The following CTNNA3 variants were observed in gnomAD, a reference collection of about 807,000 sequenced individuals.
CTNNA3 encodes the protein catenin alpha-3.
CTNNA3 carries 76 observed loss-of-function variants against 95.7 expected under a neutral mutation model. The observed-to-expected ratio is 0.79, with a 90% CI of 0.66 to 0.96. The LOEUF is 0.96. CTNNA3 is among the 40% of genes least tolerant of loss of function. The pLI, the probability that CTNNA3 is intolerant of heterozygous loss-of-function variation, is 0.00. For missense variants in CTNNA3, 1,191 were observed against 1,089.8 expected (o/e 1.09, Z -1.31); for synonymous variants, 431 against 374.4 (o/e 1.15, Z -1.74).
chr10:66,185,899 T>A lies in CTNNA3; in HGVS notation c.1885-82650A>T, dbSNP rs564674332. Among the ~76,000 whole-genome samples, 43 of 152,046 alleles carry A rather than the reference T, an allele frequency of 2.8e-4. No individual in the cohort carries two copies. The South Asian group carries it at 7.7e-3, about 27-fold the overall frequency. On this transcript the variant is annotated intron_variant, in intron 13 of 17. Coordinates refer to ENST00000433211, the MANE Select transcript of CTNNA3 (RefSeq NM_013266.4). Reference sequence around the variant, plus strand: ...GAATATGTATACTTATATATATGTATACACAAACATCTCTCTCTCATCACA... The same window carrying A: ...GAATATGTATACTTATATATATGTAAACACAAACATCTCTCTCTCATCACA...
intron 11 of CTNNA3, among the ~76,000 whole-genome samples, chr10:66,502,801 T>G (rs936874065): frequency 6.6e-6 from 1 of 152,124 alleles, no homozygotes; most frequent in African/African-American, 2.4e-5. Context: ...TCAATAAACC[T>G]AGAGGGGGAT....
intron 13 of CTNNA3, among the ~76,000 whole-genome samples, chr10:66,218,345 A>C (rs1363867178): frequency 6.6e-6 from 1 of 151,286 alleles, no homozygotes; most frequent in Non-Finnish European, 1.5e-5. Context: ...TTAAAACAGA[A>C]GTGATGGTAG....
At chr10:66,694,255 C>T (rs1402598545) in intron 9 of CTNNA3, among the ~76,000 whole-genome samples, 10 of 151,910 alleles carry the variant, frequency 6.6e-5, no homozygotes, top group Non-Finnish European at 1.2e-4. Context: ...ATCAAATAGA[C>T]ACAATAAAAA....
At chr10:67,246,722 T>C (rs1439957978) in intron 5 of CTNNA3, among the ~76,000 whole-genome samples, 1 of 152,168 alleles carries the variant, frequency 6.6e-6, no homozygotes, top group African/African-American at 2.4e-5. Flanking sequence ...CTTAAAGGTA[T>C]GAGACATGGA....
chr10:67,017,654 T>G (rs1420188468), intron 7 of CTNNA3, among the ~76,000 whole-genome samples: 1 of 152,090 alleles, frequency 6.6e-6, no homozygotes, highest in East Asian at 1.9e-4. Flanking sequence ...TATTTGAAAA[T>G]ATTTCTTTCT....
At chr10:67,148,019 T>C (rs867859200) in intron 7 of CTNNA3, among the ~76,000 whole-genome samples, 1 of 152,160 alleles carries the variant, frequency 6.6e-6, no homozygotes, top group Non-Finnish European at 1.5e-5. Context: ...TATTAGGACC[T>C]AACAGCATCT....
At chr10:66,746,860 AGTGTGTGTGT>A (rs57102717) in intron 9 of CTNNA3, among the ~76,000 whole-genome samples, 10 of 150,448 alleles carry the variant, frequency 6.6e-5, no homozygotes, top group South Asian at 2.1e-4. Flanking sequence ...AAATGGATGC[AGTGTGTGTGT>A]GTGTGTGTGT....
At chr10:66,928,238 C>T (rs563355816) in intron 7 of CTNNA3, 1 of 1,614,160 alleles carries the variant, frequency 6.2e-7, no homozygotes, top group Admixed American at 1.7e-5. Flanking sequence ...ATCTACGTGT[C>T]ATGGAAGCGG....
intron 2 of CTNNA3, among the ~76,000 whole-genome samples, chr10:67,641,439 G>A (rs1839529625): frequency 6.6e-6 from 1 of 152,226 alleles, no homozygotes; most frequent in Non-Finnish European, 1.5e-5. Context: ...CATTGTGGAG[G>A]TCAGTGTGGT....
intron 9 of CTNNA3, among the ~76,000 whole-genome samples, chr10:66,699,507 C>G (rs181229663): frequency 6.6e-6 from 1 of 151,736 alleles, no homozygotes; most frequent in Non-Finnish European, 1.5e-5. Flanking sequence ...TTTTCATATA[C>G]CCGTTGGCTA....
chr10:67,010,187 A>G (rs1852231220), intron 7 of CTNNA3, among the ~76,000 whole-genome samples: 1 of 152,186 alleles, frequency 6.6e-6, no homozygotes, highest in Admixed American at 6.5e-5. Flanking sequence ...AAGATTACAC[A>G]TATCATTTAT....
At chr10:67,568,558 C>T (rs751503997) in intron 3 of CTNNA3, among the ~76,000 whole-genome samples, 3 of 151,194 alleles carry the variant, frequency 2.0e-5, no homozygotes, top group Non-Finnish European at 4.4e-5. Context: ...CACAGACACA[C>T]ACACATATAT....
At chr10:67,177,327 G>C (rs927141906) in intron 7 of CTNNA3, among the ~76,000 whole-genome samples, 6 of 152,144 alleles carry the variant, frequency 3.9e-5, no homozygotes, top group Non-Finnish European at 2.9e-5. Flanking sequence ...TGGTTGTGTG[G>C]ACTGAGCCTG....
intron 11 of CTNNA3, among the ~76,000 whole-genome samples, chr10:66,421,300 G>A (rs2093191193): frequency 6.6e-6 from 1 of 152,218 alleles, no homozygotes; most frequent in Middle Eastern, 3.4e-3. Flanking sequence ...AGGTTAATAA[G>A]TACAAACATG....
chr10:66,693,037 G>C (rs1300223529), intron 9 of CTNNA3, among the ~76,000 whole-genome samples: 8 of 152,110 alleles, frequency 5.3e-5, no homozygotes, highest in Non-Finnish European at 1.0e-4. Context: ...ATCGAGGCTA[G>C]GAAGAAACTG....
chr10:66,047,436 A>G (rs926325927), intron 15 of CTNNA3, among the ~76,000 whole-genome samples: 2 of 152,214 alleles, frequency 1.3e-5, no homozygotes, highest in African/African-American at 2.4e-5. Context: ...ACACCCTTTC[A>G]TGTTAAAAAC....
intron 2 of CTNNA3, among the ~76,000 whole-genome samples, chr10:67,629,991 T>C (rs1839087333): frequency 6.6e-6 from 1 of 152,190 alleles, no homozygotes; most frequent in Non-Finnish European, 1.5e-5. Flanking sequence ...AAGAGGATGC[T>C]AACGGGACCA....
intron 1 of CTNNA3, among the ~76,000 whole-genome samples, chr10:67,650,671 AG>A (rs1275383703): frequency 6.6e-6 from 1 of 152,174 alleles, no homozygotes; most frequent in Non-Finnish European, 1.5e-5. Flanking sequence ...TAATTCTGAG[AG>A]GTCATGGGGT....
chr10:66,123,951 C>T (rs1290487256), intron 13 of CTNNA3, among the ~76,000 whole-genome samples: 2 of 151,962 alleles, frequency 1.3e-5, no homozygotes, highest in Non-Finnish European at 2.9e-5. Flanking sequence ...AGAAGGGGCT[C>T]CCATGAAGAC....
Sources: gnomAD v4.1 joint callset for allele counts (sites outside exome capture counted in the v4.1 genomes callset) on GRCh38, gnomAD v4.1.1 for gene constraint, MANE v1.5 for transcripts, NCBI Gene and HGNC (gene_info 2026-07-23, HGNC 2026-07-21) for gene names.